Variants in KLF12 observed in about 807,000 individuals in gnomAD.
KLF12 encodes the protein KLF transcription factor 12.
KLF12 carries 9 observed loss-of-function variants against 37.8 expected under a neutral mutation model. The ratio of observed to expected loss-of-function variants is 0.24; its 90% confidence interval spans 0.14 to 0.42. The LOEUF is 0.42. KLF12 is among the 10% of genes least tolerant of loss of function. The probability of loss-of-function intolerance (pLI) is 1.00; values close to 1 mark genes in which losing one functional copy is unlikely to be tolerated. For missense variants in KLF12, 411 were observed against 516.0 expected, an observed-to-expected ratio of 0.80 and a Z score of 1.97; for synonymous variants, 208 against 202.1, an observed-to-expected ratio of 1.03 and a Z score of -0.25.
rs533623328 is a variant in KLF12 at position 73,826,979 on chromosome 13, C to T, written c.671-13692G>A. 7.9e-5 allele frequency among the ~76,000 whole-genome samples: 12 copies of T among 152,254 alleles called. No homozygotes were observed. The South Asian group carries it at 1.0e-3, about 13-fold the overall frequency. ...GTATTTTTTGTACAGATGGGTTTCA[C>T]CACATTGCCCAGACTGATCTTGAAC... On this transcript the variant is annotated intron_variant, in intron 4 of 7. Transcript: ENST00000377669.
At chr13:74,166,434 C>T in the KLF12 span, among the ~76,000 whole-genome samples, 1 of 151,984 alleles carries the variant, frequency 6.6e-6, no homozygotes, top group Non-Finnish European at 1.5e-5. Flanking sequence ...TAAAAGATAA[C>T]AAATGGAATG....
At chr13:74,092,317 G>T (rs1253181068) in intron 1 of KLF12, among the ~76,000 whole-genome samples, 2 of 147,254 alleles carry the variant, frequency 1.4e-5, no homozygotes, top group Non-Finnish European at 1.5e-5. Flanking sequence ...AAGAAGAGTT[G>T]GACTTCATCA....
In KLF12 at chr13:73,731,500, A is replaced by G. The variant is rs995089134; in HGVS notation, c.870-15975T>C. ...TTCATTAAATGTTGTCCAATGTGTA[A>G]TTCTAAAGGCCGGGTCCATGGTAGA... On this transcript the variant is annotated intron_variant, in intron 6 of 7. Transcript: ENST00000377669. 2.0e-5 allele frequency among the ~76,000 whole-genome samples: 3 copies of G among 148,372 alleles called. No homozygotes were observed. In the Admixed American group the frequency reaches 2.0e-4, roughly 10 times the overall value.
intron 3 of KLF12, among the ~76,000 whole-genome samples, chr13:73,935,991 A>G (rs1889908187): frequency 6.6e-6 from 1 of 151,822 alleles, no homozygotes; most frequent in African/African-American, 2.4e-5. Flanking sequence ...TGTACCTTCC[A>G]TTTCTCTTCT....
chr13:74,198,985 A>T, the KLF12 span, among the ~76,000 whole-genome samples: 1 of 152,128 alleles, frequency 6.6e-6, no homozygotes, highest in Non-Finnish European at 1.5e-5. Flanking sequence ...TGGAGGAAGG[A>T]TTTAGCTGAT....
intron 3 of KLF12, among the ~76,000 whole-genome samples, chr13:73,936,519 A>G (rs1390484627): frequency 6.6e-6 from 1 of 151,580 alleles, no homozygotes; most frequent in Non-Finnish European, 1.5e-5. Flanking sequence ...TACTCACCAA[A>G]CCCTTTAGTG....
At chr13:73,995,090 G>C in intron 1 of KLF12, 37 bp from the exon 2 acceptor site, 2 of 1,410,820 alleles carry the variant, frequency 1.4e-6, no homozygotes, top group South Asian at 2.5e-5. Flanking sequence ...ATGAGAGAAA[G>C]TTCTACAACT....
chr13:74,089,727 A>T (rs1276945315), intron 1 of KLF12, among the ~76,000 whole-genome samples: 3 of 144,926 alleles, frequency 2.1e-5, no homozygotes, highest in Non-Finnish European at 4.5e-5. Flanking sequence ...ACAAAACACC[A>T]TTTATTGAAA....
chr13:73,945,193 G>A (rs560211720), intron 2 of KLF12, among the ~76,000 whole-genome samples: 2 of 152,308 alleles, frequency 1.3e-5, no homozygotes, highest in South Asian at 4.1e-4. Flanking sequence ...ACTGGGCCAG[G>A]CACAGTGGCT....
At chr13:74,222,703 C>G in the KLF12 span, among the ~76,000 whole-genome samples, 2 of 152,076 alleles carry the variant, frequency 1.3e-5, no homozygotes, top group African/African-American at 2.4e-5. Context: ...GGTGTTCACT[C>G]AAATAGTTAA....
At chr13:73,723,428 T>C (rs75135903) in intron 6 of KLF12, among the ~76,000 whole-genome samples, 4,674 of 152,296 alleles carry the variant, frequency 0.031, 115 homozygotes, top group South Asian at 0.075. Context: ...CCCACAGAAT[T>C]TCTTCAGAAA....
intron 1 of KLF12, among the ~76,000 whole-genome samples, chr13:74,112,765 T>C (rs982184958): frequency 6.6e-6 from 1 of 152,122 alleles, no homozygotes; most frequent in Non-Finnish European, 1.5e-5. Flanking sequence ...GGCCTCTAAG[T>C]GTTCAAGTAA....
At chr13:74,242,274 A>G in the KLF12 span, among the ~76,000 whole-genome samples, 4 of 152,214 alleles carry the variant, frequency 2.6e-5, no homozygotes, top group African/African-American at 4.8e-5. Context: ...TGATAAAGAC[A>G]TATCTGTGAC....
At position 73,872,352 on chromosome 13, in the gene KLF12, GA is replaced by G. The variant is rs561082350; in HGVS notation, c.124-25980del. Among the ~76,000 whole-genome samples, 3 of 152,170 alleles carry G rather than the reference GA, an allele frequency of 2.0e-5. No homozygotes were observed. In the South Asian group the frequency reaches 6.2e-4, roughly 32 times the overall value. On this transcript the variant is annotated intron_variant, in intron 3 of 7. Transcript: ENST00000377669. ...ATGAATATATATTTTTAAAAGGAAT[GA>G]AAAAAATCAAAACTATTAGTTTCAT...
intron 5 of KLF12, among the ~76,000 whole-genome samples, chr13:73,781,642 G>A (rs765126835): frequency 6.6e-6 from 1 of 152,164 alleles, no homozygotes; most frequent in African/African-American, 2.4e-5. Context: ...ACCCACAATT[G>A]CATCCTTATT....
At chr13:74,293,842 G>A in the KLF12 span, among the ~76,000 whole-genome samples, 3 of 152,138 alleles carry the variant, frequency 2.0e-5, no homozygotes, top group Non-Finnish European at 2.9e-5. Context: ...CATGGTAAAC[G>A]TAATATGAAA....
chr13:73,975,965 C>T (rs1252562151), intron 2 of KLF12, among the ~76,000 whole-genome samples: 1 of 152,184 alleles, frequency 6.6e-6, no homozygotes, highest in East Asian at 1.9e-4. Flanking sequence ...CTTTCCCACA[C>T]TGTATGGAGA....
chr13:74,081,023 T>C (rs1874855808), intron 1 of KLF12, among the ~76,000 whole-genome samples: 1 of 152,182 alleles, frequency 6.6e-6, no homozygotes, highest in Admixed American at 6.5e-5. Flanking sequence ...TCTTCCTCCA[T>C]TGGGTGTGCA....
At chr13:74,240,019 A>T in the KLF12 span, among the ~76,000 whole-genome samples, 2 of 150,786 alleles carry the variant, frequency 1.3e-5, no homozygotes, top group Non-Finnish European at 3.0e-5. Context: ...TCGTTAGTTG[A>T]TGCAGTTTCT....
Sources: allele counts gnomAD v4.1 joint callset (sites outside exome capture counted in the v4.1 genomes callset), GRCh38; gene constraint gnomAD v4.1.1; transcripts MANE v1.5; gene names NCBI Gene and HGNC (gene_info 2026-07-23, HGNC 2026-07-21).